The following SDK1 variants were observed in gnomAD, a reference collection of about 807,000 sequenced individuals.
SDK1 encodes the protein protein sidekick-1.
In SDK1, 157 loss-of-function variants were observed where a neutral mutation model predicts 245.5. The ratio of observed to expected loss-of-function variants is 0.64; its 90% CI spans 0.56 to 0.73. SDK1 has a LOEUF of 0.73. Ranked by LOEUF, SDK1 falls within the 30% of genes least tolerant of loss-of-function variation. SDK1 has a pLI of 0.00. For synonymous variants in SDK1, 1,647 were observed against 1,278.5 expected, an observed-to-expected ratio of 1.29 and a Z score of -6.15; for missense variants, 3,583 against 3,002.3, an observed-to-expected ratio of 1.19 and a Z score of -4.52.
intron 17 of SDK1, among the ~76,000 whole-genome samples, chr7:4,044,199 G>A (rs1043184545): frequency 6.6e-6 from 1 of 152,228 alleles, no homozygotes; most frequent in African/African-American, 2.4e-5. Flanking sequence ...CCATGGCTAG[G>A]AAAGCGGAAA....
intron 14 of SDK1, 114 bp downstream of exon 14, chr7:3,987,436 T>A: frequency 1.8e-6 from 2 of 1,115,696 alleles, no homozygotes; most frequent in Non-Finnish European, 2.6e-6. Flanking sequence ...TAAAATGCTG[T>A]AATGCTTTAC....
intron 14 of SDK1, among the ~76,000 whole-genome samples, chr7:4,003,139 G>T (rs1158383939): frequency 6.6e-6 from 1 of 152,246 alleles, no homozygotes; most frequent in Admixed American, 6.5e-5. Flanking sequence ...CCTCACTCTT[G>T]TGTGCCTGGG....
At position 3,897,578 on chromosome 7, in the gene SDK1, T is replaced by C. The variant is rs977273171; in HGVS notation, c.848-53345T>C. Among the ~76,000 whole-genome samples the C allele has an allele frequency of 9.2e-5, 14 of 152,344 alleles. No homozygotes were observed. In the South Asian group the frequency reaches 2.5e-3, roughly 27 times the overall value. On this transcript the variant is annotated intron_variant, in intron 5 of 44. Transcript: ENST00000404826. Reference sequence around the variant, plus strand: ...AATATGACCTTATATGTATAGACCATATTATGTCTTTCCTTTCATGTGACG... The same window carrying C: ...AATATGACCTTATATGTATAGACCACATTATGTCTTTCCTTTCATGTGACG...
chr7:3,699,201 A>T (rs950664504), intron 4 of SDK1, among the ~76,000 whole-genome samples: 3 of 152,174 alleles, frequency 2.0e-5, no homozygotes, highest in African/African-American at 7.2e-5. Context: ...ATATCCCCTA[A>T]TGTCCAGGTT....
intron 1 of SDK1, among the ~76,000 whole-genome samples, chr7:3,396,526 T>C (rs1340660827): frequency 6.6e-6 from 1 of 151,928 alleles, no homozygotes; most frequent in Non-Finnish European, 1.5e-5. Context: ...GTTTTAGTTT[T>C]ATGTATTTTG....
chr7:3,905,220 C>G (rs1457163719), intron 5 of SDK1, among the ~76,000 whole-genome samples: 3 of 151,880 alleles, frequency 2.0e-5, no homozygotes, highest in East Asian at 3.9e-4. Flanking sequence ...GTTTGTTATA[C>G]CACGGTTTAT....
intron 3 of SDK1, 148 bp downstream of exon 3, chr7:3,639,258 A>G: frequency 2.2e-6 from 1 of 460,212 alleles, no homozygotes. Context: ...AGTGAGAGAT[A>G]AGTAAGCAGC....
intron 1 of SDK1, among the ~76,000 whole-genome samples, chr7:3,612,119 G>A (rs953613308): frequency 1.3e-5 from 2 of 152,106 alleles, no homozygotes; most frequent in African/African-American, 2.4e-5. Flanking sequence ...TGAGGGATAC[G>A]ACTACACATT....
At chr7:4,245,643 A>G in intron 43 of SDK1, 33 bp from the exon 44 acceptor site, 1 of 1,606,490 alleles carries the variant, frequency 6.2e-7, no homozygotes, top group Non-Finnish European at 8.5e-7. Context: ...TCTTTTGCCC[A>G]GAGGGTAATT....
intron 35 of SDK1, 27 bp from the exon 36 acceptor site, chr7:4,205,852 C>A: frequency 6.5e-7 from 1 of 1,530,388 alleles, no homozygotes; most frequent in Non-Finnish European, 8.9e-7. Flanking sequence ...AACGTCTCAG[C>A]TTCTCTCCGC....
In SDK1 at chr7:3,830,216, C is replaced by T. The variant is rs183549601; in HGVS notation, c.847+8633C>T. On this transcript the variant is annotated intron_variant, in intron 5 of 44. Coordinates refer to ENST00000404826, the MANE Select transcript of SDK1 (RefSeq NM_152744.4). ...GAATTAATTCACCAAGCAGAACTGA[C>T]CAGTTGGGTTCAGCAGACGGACGAT... Among the ~76,000 whole-genome samples the T allele has an allele frequency of 9.9e-5, 15 of 152,174 alleles. No individual in the cohort carries two copies. In the East Asian group the frequency reaches 2.9e-3, roughly 29 times the overall value.
At chr7:3,907,687 C>A (rs1225769662) in intron 5 of SDK1, among the ~76,000 whole-genome samples, 1 of 152,280 alleles carries the variant, frequency 6.6e-6, no homozygotes, top group African/African-American at 2.4e-5. Context: ...CAGACTCTTA[C>A]CAAAATGAAA....
At position 3,579,916 on chromosome 7, in the gene SDK1, C is replaced by G. The variant is rs567968029; in HGVS notation, c.299-39164C>G. 2.6e-5 allele frequency among the ~76,000 whole-genome samples: 4 copies of G among 152,292 alleles called. No individual in the cohort carries two copies. The South Asian group carries it at 8.3e-4, about 32-fold the overall frequency. ...AGTCATCATCTTGGCCCAAAGTGTT[C>G]TTCAGCTGATAAACAATTTCAGCAA... On this transcript the variant is annotated intron_variant, in intron 1 of 44. Coordinates refer to ENST00000404826, the MANE Select transcript of SDK1 (RefSeq NM_152744.4).
intron 4 of SDK1, among the ~76,000 whole-genome samples, chr7:3,671,332 C>A (rs1480964960): frequency 3.3e-5 from 5 of 152,118 alleles, no homozygotes; most frequent in Non-Finnish European, 5.9e-5. Flanking sequence ...GTGAGTCTAG[C>A]CCATCAGGGA....
intron 4 of SDK1, among the ~76,000 whole-genome samples, chr7:3,674,132 A>G (rs535808142): frequency 4.6e-5 from 7 of 152,332 alleles, no homozygotes; most frequent in South Asian, 4.1e-4. Context: ...AGCACAGTCA[A>G]TGTGTATACT....
chr7:3,922,565 C>G (rs931830462), intron 5 of SDK1, among the ~76,000 whole-genome samples: 5 of 152,232 alleles, frequency 3.3e-5, no homozygotes, highest in Admixed American at 6.5e-5. Flanking sequence ...ATCTCATTAA[C>G]ATTCCGTAGA....
At chr7:3,971,628 GAAGTT>G in intron 12 of SDK1, 60 bp downstream of exon 12, 1 of 1,269,614 alleles carries the variant, frequency 7.9e-7, no homozygotes, top group Non-Finnish European at 1.1e-6. Context: ...TTTCTGAAGT[GAAGTT>G]GAGATGAGGA....
intron 5 of SDK1, among the ~76,000 whole-genome samples, chr7:3,858,242 T>C (rs60288858): frequency 0.053 from 8,116 of 152,092 alleles, 702 homozygotes; most frequent in African/African-American, 0.18. Flanking sequence ...TAATATGATA[T>C]CATTTTTTTA....
chr7:4,052,179 C>A (rs200981938), intron 19 of SDK1, among the ~76,000 whole-genome samples: 15 of 123,806 alleles, frequency 1.2e-4, no homozygotes, highest in South Asian at 2.7e-4. Flanking sequence ...CCCCCCCCCC[C>A]CGACGTCCCC....
Sources: gnomAD v4.1 joint callset for allele counts (sites outside exome capture counted in the v4.1 genomes callset) on GRCh38, gnomAD v4.1.1 for gene constraint, MANE v1.5 for transcripts, NCBI Gene and HGNC (gene_info 2026-07-23, HGNC 2026-07-21) for gene names.